CTIF: variants seen among roughly 807,000 people sequenced by gnomAD.
The protein encoded by CTIF is cap binding complex dependent translation initiation factor.
CTIF carries 21 observed loss-of-function variants against 66.0 expected under a neutral mutation model. That is an observed-to-expected ratio of 0.32 (90% confidence interval 0.23 to 0.46). The LOEUF is 0.46. Ranked by LOEUF, CTIF falls within the 20% of genes least tolerant of loss-of-function variation. CTIF has a pLI of 1.00. For missense variants in CTIF, 739 were observed against 812.7 expected (o/e 0.91, Z 1.10); for synonymous variants, 345 against 326.4 (o/e 1.06, Z -0.62).
At chr18:48,711,835 G>C (rs928101134) in intron 7 of CTIF, 140 bp downstream of exon 7, 2 of 704,620 alleles carry the variant, frequency 2.8e-6, no homozygotes, top group Non-Finnish European at 5.0e-6. Flanking sequence ...ATCGTGGGTT[G>C]GTTACTGGCT....
chr18:48,653,306 A>G (rs1226353629), intron 3 of CTIF, among the ~76,000 whole-genome samples: 1 of 152,232 alleles, frequency 6.6e-6, no homozygotes, highest in African/African-American at 2.4e-5. Flanking sequence ...TCAATGTGCA[A>G]AAATCACAAG....
chr18:48,701,303 T>C (rs1007257535), intron 6 of CTIF, among the ~76,000 whole-genome samples: 6 of 152,140 alleles, frequency 3.9e-5, no homozygotes, highest in East Asian at 1.9e-4. Context: ...CAGAAGTGTG[T>C]CCAGGACCCT....
At chr18:48,737,475 G>A (rs2092513431) in intron 7 of CTIF, among the ~76,000 whole-genome samples, 1 of 152,234 alleles carries the variant, frequency 6.6e-6, no homozygotes, top group Non-Finnish European at 1.5e-5. Context: ...ACCCAGAGTG[G>A]TAGGCCTTGC....
chr18:48,795,712 CTCTGT>C (rs1412986192), intron 9 of CTIF, among the ~76,000 whole-genome samples: 1 of 152,228 alleles, frequency 6.6e-6, no homozygotes, highest in Non-Finnish European at 1.5e-5. Flanking sequence ...GGTATACTTT[CTCTGT>C]TGTCATCAGC....
chr18:48,855,942 T>C (rs1271763642), intron 10 of CTIF, among the ~76,000 whole-genome samples: 1 of 151,834 alleles, frequency 6.6e-6, no homozygotes, highest in Non-Finnish European at 1.5e-5. Flanking sequence ...GCCCAATGAG[T>C]GTGGGAAGGT....
At chr18:48,581,415 CTTTTTTCCCATTTCTCT>C (rs140657016) in intron 1 of CTIF, among the ~76,000 whole-genome samples, 6,933 of 152,180 alleles carry the variant, frequency 0.046, 528 homozygotes, top group African/African-American at 0.16. Context: ...GTTCCAAGAG[CTTTTTTCCCATTTCTCT>C]TTTTTTCCAT....
chr18:48,739,463 C>A (rs571833910), intron 7 of CTIF, among the ~76,000 whole-genome samples: 1 of 152,164 alleles, frequency 6.6e-6, no homozygotes, highest in Admixed American at 6.5e-5. Context: ...TGTGGTGGGA[C>A]GCGCCACAGT....
rs371776211 is a variant in CTIF at position 48,728,704 on chromosome 18, AGAGT to A, written c.584+17015_584+17018del. 2.1e-3 allele frequency among the ~76,000 whole-genome samples: 319 copies of A among 150,206 alleles called. 1 individual carries two copies. Among genetic ancestry groups the A allele is most frequent in the African/African-American group, 7.9e-3 (315 of 39,662 alleles). On this transcript the variant is annotated intron_variant, in intron 7 of 11. Coordinates refer to ENST00000256413, the MANE Select transcript of CTIF (RefSeq NM_014772.3). ...GGCCTCTCTGTAGGGTGCTCATGAC[AGAGT>A]GAGTGGCCTGTGAAGGAGGGAGGGG...
chr18:48,819,990 CG>C (rs149380617), intron 10 of CTIF, among the ~76,000 whole-genome samples: 10,348 of 152,234 alleles, frequency 0.068, 487 homozygotes, highest in Admixed American at 0.14. Flanking sequence ...AGGAAGTGCC[CG>C]GGGCACGGCG....
intron 8 of CTIF, among the ~76,000 whole-genome samples, chr18:48,759,389 G>T (rs1188388023): frequency 6.6e-6 from 1 of 152,182 alleles, no homozygotes; most frequent in African/African-American, 2.4e-5. Context: ...CAGAGGCCAG[G>T]CCCAGGGTCC....
intron 3 of CTIF, chr18:48,661,716 T>A (rs1303606589): frequency 6.6e-6 from 1 of 152,198 alleles, no homozygotes; most frequent in African/African-American, 2.4e-5. Context: ...ATTAGTGATA[T>A]CTGCCGCTGG....
At chr18:48,784,438 G>T (rs938777911) in intron 9 of CTIF, among the ~76,000 whole-genome samples, 1 of 152,212 alleles carries the variant, frequency 6.6e-6, no homozygotes, top group Non-Finnish European at 1.5e-5. Flanking sequence ...GGAGGAGAGA[G>T]TGTGGGCCAG....
intron 10 of CTIF, among the ~76,000 whole-genome samples, chr18:48,846,596 T>TG (rs1285672394): frequency 4.6e-4 from 69 of 150,944 alleles, no homozygotes; most frequent in African/African-American, 1.6e-3. Flanking sequence ...GGTGGGTGGA[T>TG]GAATGGATGG....
chr18:48,742,424 G>T (rs1413503432), intron 7 of CTIF, among the ~76,000 whole-genome samples: 1 of 152,218 alleles, frequency 6.6e-6, no homozygotes, highest in Non-Finnish European at 1.5e-5. Flanking sequence ...CAAAGGGGCT[G>T]CAGACCCGCC....
chr18:48,816,582 G>A (rs540274123), intron 9 of CTIF, among the ~76,000 whole-genome samples: 1 of 152,214 alleles, frequency 6.6e-6, no homozygotes, highest in Non-Finnish European at 1.5e-5. Context: ...TTGTATCACA[G>A]TGATGAATGA....
intron 6 of CTIF, among the ~76,000 whole-genome samples, chr18:48,687,829 G>A (rs928496666): frequency 4.6e-5 from 7 of 152,162 alleles, no homozygotes; most frequent in African/African-American, 1.2e-4. Flanking sequence ...CTCTGCAGCC[G>A]CCTGAGTCCC....
intron 9 of CTIF, among the ~76,000 whole-genome samples, chr18:48,768,334 T>C (rs1364587674): frequency 6.6e-6 from 1 of 152,128 alleles, no homozygotes; most frequent in Non-Finnish European, 1.5e-5. Context: ...TGGTTCATAG[T>C]AGATGCTCAG....
intron 3 of CTIF, among the ~76,000 whole-genome samples, chr18:48,654,557 A>T (rs2091211960): frequency 1.3e-5 from 2 of 152,244 alleles, no homozygotes; most frequent in Non-Finnish European, 1.5e-5. Context: ...ATTGTGGAAG[A>T]CAGTGTGGTG....
intron 10 of CTIF, among the ~76,000 whole-genome samples, chr18:48,825,892 A>G (rs1228442255): frequency 1.3e-5 from 2 of 152,218 alleles, no homozygotes; most frequent in Non-Finnish European, 2.9e-5. Context: ...CGGCAGGGAT[A>G]TGTAAGCTTT....
Sources: allele counts gnomAD v4.1 joint callset (sites outside exome capture counted in the v4.1 genomes callset), GRCh38; gene constraint gnomAD v4.1.1; transcripts MANE v1.5; gene names NCBI Gene and HGNC (gene_info 2026-07-23, HGNC 2026-07-21).